Variants in ADCY1 observed in about 807,000 individuals in gnomAD.
ADCY1 encodes the protein adenylate cyclase type 1.
A neutral mutation model predicts 105.4 loss-of-function variants in ADCY1; 28 were observed. The ratio of observed to expected loss-of-function variants is 0.27; its 90% confidence interval spans 0.20 to 0.36. The LOEUF (loss-of-function observed/expected upper bound fraction) is 0.36, where lower values mean the gene tolerates loss of function less well. Ranked by LOEUF, ADCY1 falls within the 10% of genes least tolerant of loss-of-function variation. ADCY1 has a pLI of 1.00. For synonymous variants in ADCY1, 655 were observed against 623.8 expected (o/e 1.05, Z -0.75); for missense variants, 977 against 1,434.2 (o/e 0.68, Z 5.15).
At chr7:45,622,904 C>T (rs1230908075) in intron 4 of ADCY1, among the ~76,000 whole-genome samples, 161 bp downstream of exon 4, 2 of 152,230 alleles carry the variant, frequency 1.3e-5, no homozygotes, top group Non-Finnish European at 1.5e-5. Context: ...CCTCACTGTT[C>T]ATTGATTCCT....
chr7:45,622,530 T>C, intron 3 of ADCY1, 102 bp from the exon 4 acceptor site: 1 of 818,434 alleles, frequency 1.2e-6, no homozygotes, highest in Admixed American at 2.1e-5. Flanking sequence ...AATGGGGTGA[T>C]TGATTCTACA....
chr7:45,587,769 G>T (rs1379347191), intron 1 of ADCY1, among the ~76,000 whole-genome samples: 2 of 152,132 alleles, frequency 1.3e-5, no homozygotes, highest in Non-Finnish European at 2.9e-5. Context: ...TTAGACTGGG[G>T]TGTTGGTTTT....
At chr7:45,662,479 T>C (rs1463281015) in intron 8 of ADCY1, among the ~76,000 whole-genome samples, 1 of 152,128 alleles carries the variant, frequency 6.6e-6, no homozygotes, top group Non-Finnish European at 1.5e-5. Flanking sequence ...AAGCTAAAAT[T>C]CCCCACCTGC....
chr7:45,603,024 C>T (rs79368268), intron 2 of ADCY1, among the ~76,000 whole-genome samples: 1 of 152,172 alleles, frequency 6.6e-6, no homozygotes, highest in East Asian at 1.9e-4. Flanking sequence ...CATAGATTTA[C>T]CTGTTCTGGA....
chr7:45,576,279 C>G (rs1450752513), intron 1 of ADCY1, among the ~76,000 whole-genome samples: 1 of 152,068 alleles, frequency 6.6e-6, no homozygotes, highest in Non-Finnish European at 1.5e-5. Context: ...CAGCCCGGCC[C>G]CGGGGGACCA....
intron 3 of ADCY1, among the ~76,000 whole-genome samples, chr7:45,617,806 C>A: frequency 6.6e-6 from 1 of 152,074 alleles, no homozygotes; most frequent in Non-Finnish European, 1.5e-5. Flanking sequence ...CTGTAATACC[C>A]AAAGTGATCT....
chr7:45,688,754 T>C (rs547832032), intron 14 of ADCY1, among the ~76,000 whole-genome samples: 2 of 152,234 alleles, frequency 1.3e-5, no homozygotes, highest in Admixed American at 1.3e-4. Context: ...TATTGAGATA[T>C]ATTTCACATA....
chr7:45,674,370 C>G (rs1377389809), intron 8 of ADCY1, among the ~76,000 whole-genome samples: 1 of 151,956 alleles, frequency 6.6e-6, no homozygotes, highest in Non-Finnish European at 1.5e-5. Flanking sequence ...TTGTTTATTT[C>G]TCCTTAAATT....
chr7:45,592,712 T>C (rs766015856), intron 1 of ADCY1, 47 bp from the exon 2 acceptor site: 28 of 1,611,734 alleles, frequency 1.7e-5, no homozygotes, highest in Non-Finnish European at 1.0e-5. Context: ...CCTCTTTGTG[T>C]GTGTGGGATG....
chr7:45,691,316 A>G (rs1784783674), intron 14 of ADCY1, among the ~76,000 whole-genome samples: 2 of 152,324 alleles, frequency 1.3e-5, no homozygotes, highest in South Asian at 4.1e-4. Context: ...CATGGAGTAT[A>G]CTGCCATGTT....
At chr7:45,680,627 A>T (rs908578571) in intron 11 of ADCY1, 1 of 152,206 alleles carries the variant, frequency 6.6e-6, no homozygotes, top group South Asian at 2.1e-4. Context: ...TTTTTAAATT[A>T]AAAAAATGCT....
In ADCY1 at chr7:45,662,063, T is replaced by G; in HGVS notation, c.1454T>G (p.Phe485Cys). The change falls in exon 8 of 20, where the codon TTT becomes TGT. Residue 485 changes from phenylalanine (F) to cysteine (C), a missense_variant. This residue lies in a region of ADCY1 where 66 missense variants were observed against 127.2 expected (regional missense o/e 0.52). Coordinates refer to ENST00000297323, the MANE Select transcript of ADCY1 (RefSeq NM_021116.4). ...GCCCCTTGTGTGTTTGGACAGATAT[T>G]TCCAGGCCTGATTCTCTCAGATATA... is the stretch of plus-strand genomic sequence containing the variant. ...FIVPSHRRKI[F>C]PGLILSDIKP... 4.3e-6 allele frequency: 7 copies of G among 1,613,918 alleles called. No homozygotes were observed. Among genetic ancestry groups the G allele is most frequent in the Non-Finnish European group, 5.9e-6 (7 of 1,179,882 alleles).
chr7:45,713,669 ACACT>A lies in ADCY1; in HGVS notation c.3058-19_3058-16del, dbSNP rs749977051. 2.6e-5 allele frequency: 20 copies of A among 771,808 alleles called. No homozygotes were observed. Among genetic ancestry groups the A allele is most frequent in the East Asian group, 1.9e-4 (8 of 41,144 alleles). The allele number at this position is 771,808 out of a possible 1,614,324, so 47.8% of individuals were successfully genotyped here. On this transcript the variant is annotated intron_variant, in intron 19 of 19. Coordinates refer to ENST00000297323, the MANE Select transcript of ADCY1 (RefSeq NM_021116.4). ...GAGTCCCCCTCATTGCCCTGAAGTA[ACACT>A]CACTTCTCTCCATCAACAGGTGACT...
chr7:45,697,138 C>A (rs566024335), intron 14 of ADCY1, among the ~76,000 whole-genome samples: 1 of 152,154 alleles, frequency 6.6e-6, no homozygotes, highest in Admixed American at 6.5e-5. Flanking sequence ...GCAGATCCTA[C>A]CCCCACATTT....
At position 45,714,243 on chromosome 7, in the gene ADCY1, G is replaced by A. The variant is rs1703091802; in HGVS notation, c.*248G>A. The A allele has an allele frequency of 1.9e-6, 1 of 536,036 alleles. No individual in the cohort carries two copies. The highest frequency in any genetic ancestry group is 1.9e-5 in the African/African-American group (1 of 53,056). The allele number at this position is 536,036 out of a possible 1,614,324, so 33.2% of individuals were successfully genotyped here. ...CACACTTCCAGGCCTCCCTGGAGAG[G>A]TGTCCACTCCATCCTTCCCTCCGTG... On this transcript the variant is annotated 3_prime_UTR_variant, in exon 20 of 20. Transcript: ENST00000297323.
chr7:45,641,257 G>A (rs758860561), intron 4 of ADCY1, among the ~76,000 whole-genome samples: 7 of 152,114 alleles, frequency 4.6e-5, no homozygotes, highest in Non-Finnish European at 1.0e-4. Flanking sequence ...CTGCACCCAC[G>A]TCATCCTCAT....
chr7:45,660,211 T>C (rs759079044), intron 7 of ADCY1, 28 bp downstream of exon 7: 1 of 1,613,472 alleles, frequency 6.2e-7, no homozygotes, highest in South Asian at 1.1e-5. Context: ...CCTCATTTGG[T>C]TGATCCTTAG....
chr7:45,610,711 T>TGGATATGG (rs1793515567), intron 3 of ADCY1, among the ~76,000 whole-genome samples: 2 of 81,820 alleles, frequency 2.4e-5, no homozygotes, highest in Non-Finnish European at 4.9e-5. Context: ...GAGGTGATGG[T>TGGATATGG]GGAGGTGAGG....
chr7:45,574,303 C>T (rs1792244575), upstream of ADCY1: 1 of 240,394 alleles, frequency 4.2e-6, no homozygotes, highest in South Asian at 1.5e-4. The surrounding 1 kb of genome is among the most constrained non-coding windows in gnomAD (Gnocchi z 7.0). Flanking sequence ...GCAGCGCGGT[C>T]GCCGCCGAGG....
Sources: gnomAD v4.1 joint callset for allele counts (sites outside exome capture counted in the v4.1 genomes callset) on GRCh38, gnomAD v4.1.1 for gene constraint, gnomAD v4.1.1 regional missense constraint, Gnocchi (gnomAD v3.1) non-coding constraint, MANE v1.5 for transcripts, NCBI Gene and HGNC (gene_info 2026-07-23, HGNC 2026-07-21) for gene names.